Variants in TLR1 observed in about 807,000 individuals in gnomAD.
TLR1 encodes toll like receptor 1, also known as toll-like receptor 1.
Under a neutral mutation model 20.2 loss-of-function variants are expected in TLR1, and 19 were observed. The ratio of observed to expected loss-of-function variants is 0.94; its 90% CI spans 0.66 to 1.38. The LOEUF (loss-of-function observed/expected upper bound fraction) is 1.38, where lower values mean the gene tolerates loss of function less well. Ranked by LOEUF, TLR1 falls within the 40% of genes most tolerant of loss-of-function variation. The probability of loss-of-function intolerance (pLI) is 0.00; values close to 1 mark genes in which losing one functional copy is unlikely to be tolerated. For synonymous variants in TLR1, 320 were observed against 334.5 expected (o/e 0.96, Z 0.47); for missense variants, 921 against 910.0 (o/e 1.01, Z -0.16).
rs912583990 is a variant in TLR1, at chr4:38,796,418, C to A, written c.*53G>T. The A allele has an allele frequency of 6.4e-6, 10 of 1,562,456 alleles. No homozygotes were observed. The highest frequency in any genetic ancestry group is 1.8e-5 in the Admixed American group (1 of 54,924). On this transcript the variant is annotated 3_prime_UTR_variant, in exon 4 of 4. Coordinates refer to ENST00000308979, the MANE Select transcript of TLR1 (RefSeq NM_003263.4). ...ATGCAAAATAAAGTCATTGTTGGAA[C>A]TTCCAAAAGCAGCAATATCAACAGG...
chr4:38,789,788 A>G (rs1725675792), downstream of TLR1, among the ~76,000 whole-genome samples: 1 of 152,190 alleles, frequency 6.6e-6, no homozygotes, highest in South Asian at 2.1e-4. Flanking sequence ...TTAAAAGAGC[A>G]ATATTTTGGC....
chr4:38,792,853 T>TTTTATA (rs150259151), downstream of TLR1, among the ~76,000 whole-genome samples: 15 of 122,252 alleles, frequency 1.2e-4, 1 homozygote, highest in African/African-American at 3.9e-4. Flanking sequence ...TATTTTCAAA[T>TTTTATA]TATATATATA....
At chr4:38,789,376 T>A (rs540976607), downstream of TLR1, among the ~76,000 whole-genome samples, 4 of 152,366 alleles carry the variant, frequency 2.6e-5, no homozygotes, top group African/African-American at 9.6e-5. Context: ...TCTGCGAATC[T>A]GTTGTTAAAC....
rs73236620 is a variant in TLR1 at position 38,803,300 on chromosome 4, C to T, written c.-160+1006G>A. ...GGAACCTGGCCCTGGGCGTGACACT[C>T]TCTCTCTTACTCTAAAACTTGCCTC... On this transcript the variant is annotated intron_variant, in intron 2 of 3. Coordinates refer to ENST00000308979, the MANE Select transcript of TLR1 (RefSeq NM_003263.4). 4.2e-3 allele frequency among the ~76,000 whole-genome samples: 639 copies of T among 152,288 alleles called. 4 individuals are homozygous for T. Among genetic ancestry groups the T allele is most frequent in the Non-Finnish European group, 7.1e-3 (484 of 68,024 alleles).
Position 38,799,116 on chromosome 4 carries a change from G to A in TLR1, c.-67-218C>T, listed in dbSNP as rs1005312752. Among the ~76,000 whole-genome samples the A allele has an allele frequency of 2.0e-5, 3 of 152,188 alleles. 1 individual carries two copies. The highest frequency in any genetic ancestry group is 4.4e-5 in the Non-Finnish European group (3 of 68,042). ...AGTTTTAATATGGATGGTGTAATAGGTTGAATGGTGGCTCACCAAAAGATA... is the reference window on the plus strand; with the variant it reads ...AGTTTTAATATGGATGGTGTAATAGATTGAATGGTGGCTCACCAAAAGATA... On this transcript the variant is annotated intron_variant, in intron 3 of 3. Coordinates refer to ENST00000308979, the MANE Select transcript of TLR1 (RefSeq NM_003263.4).
chr4:38,791,766 T>A (rs1463009893), downstream of TLR1, among the ~76,000 whole-genome samples: 1 of 152,252 alleles, frequency 6.6e-6, no homozygotes, highest in East Asian at 1.9e-4. Context: ...TTTTGCTTAA[T>A]GCCAGGAACT....
chr4:38,791,822 A>G (rs537513279), downstream of TLR1, among the ~76,000 whole-genome samples: 19 of 152,366 alleles, frequency 1.2e-4, no homozygotes, highest in African/African-American at 4.3e-4. Context: ...CCTCGTAACA[A>G]TAGTATGAGA....
downstream of TLR1, among the ~76,000 whole-genome samples, chr4:38,789,022 A>G (rs78599658): frequency 0.033 from 4,960 of 152,324 alleles, 305 homozygotes; most frequent in African/African-American, 0.11. Context: ...AAATAAATAA[A>G]TAAATAAAGC....
chr4:38,792,853 T>TTTTATATATATATATA (rs150259151), downstream of TLR1, among the ~76,000 whole-genome samples: 43 of 122,212 alleles, frequency 3.5e-4, no homozygotes, highest in African/African-American at 1.3e-3. Context: ...TATTTTCAAA[T>TTTTATATATATATATA]TATATATATA....
Position 38,798,481 on chromosome 4 carries a change from C to T in TLR1, c.351G>A (p.Lys117=), listed in dbSNP as rs1455197652. 2.5e-6 allele frequency: 4 copies of T among 1,613,998 alleles called. No homozygotes were observed. The African/African-American group carries it at 5.3e-5, about 22-fold the overall frequency. ...KISCHPTVNL[K]HLDLSFNAFD... is the part of the protein sequence containing the mutation. ...ATGCATTAAATGACAGGTCCAAGTG[C>T]TTGAGGTTCACAGTAGGGTGGCAAG... The change falls in exon 4 of 4, where the codon AAG becomes AAA. Residue 117 remains lysine, a synonymous_variant. Transcript: ENST00000308979.
At chr4:38,793,031 G>C (rs545524168), downstream of TLR1, among the ~76,000 whole-genome samples, 1 of 152,110 alleles carries the variant, frequency 6.6e-6, no homozygotes, top group East Asian at 1.9e-4. Context: ...CTGGTTTTGT[G>C]ACCTTTGCTA....
downstream of TLR1, among the ~76,000 whole-genome samples, chr4:38,791,756 T>A (rs1266655641): frequency 6.6e-6 from 1 of 152,238 alleles, no homozygotes; most frequent in African/African-American, 2.4e-5. Flanking sequence ...TTTATTGAGC[T>A]TTTGCTTAAT....
downstream of TLR1, chr4:38,796,228 G>T (rs1195395917): frequency 8.2e-6 from 4 of 489,126 alleles, no homozygotes; most frequent in Non-Finnish European, 1.4e-5. Flanking sequence ...TCAGAACTCA[G>T]TTATAGCAAA....
In TLR1 at chr4:38,796,756, C is replaced by T. The variant is rs751660047; in HGVS notation, c.2076G>A (p.Lys692=). The change falls in exon 4 of 4, where the codon AAG becomes AAA. Residue 692 remains lysine, a synonymous_variant. Coordinates refer to ENST00000308979, the MANE Select transcript of TLR1 (RefSeq NM_003263.4). ...AGTTGGGAGACAAAACAAAGATGGA[C>T]TTGTAACTCTTCTCAATGCAGGTGA... ...NIITCIEKSY[K]SIFVLSPNFV... 6 of 1,614,094 alleles carry T rather than the reference C, an allele frequency of 3.7e-6. No individual in the cohort carries two copies. The Admixed American group carries it at 6.7e-5, about 18-fold the overall frequency.
Position 38,798,583 on chromosome 4 carries a change from A to G in TLR1, c.249T>C (p.Tyr83=), listed in dbSNP as rs773426935. The G allele has an allele frequency of 1.3e-5, 21 of 1,614,024 alleles. No homozygotes were observed. The highest frequency in any genetic ancestry group is 1.8e-5 in the Non-Finnish European group (21 of 1,180,020). The change falls in exon 4 of 4, where the codon TAT becomes TAC. Residue 83 remains tyrosine, a synonymous_variant. Coordinates refer to ENST00000308979, the MANE Select transcript of TLR1 (RefSeq NM_003263.4). ...TGAATTTGAAAACACTGATATCAAG[A>G]TACTGGATTCTATTATGAGAAATTA... is the stretch of plus-strand genomic sequence containing the variant. ...ILIISHNRIQ[Y]LDISVFKFNQ...
At chr4:38,792,853 T>TTATATATATATATATAGATATATA (rs1553901933), downstream of TLR1, among the ~76,000 whole-genome samples, 1 of 122,218 alleles carries the variant, frequency 8.2e-6, no homozygotes, top group East Asian at 2.9e-4. Flanking sequence ...TATTTTCAAA[T>TTATATATATATATATAGATATATA]TATATATATA....
chr4:38,793,555 G>T (rs992827818), downstream of TLR1, among the ~76,000 whole-genome samples: 2 of 152,056 alleles, frequency 1.3e-5, no homozygotes, highest in Non-Finnish European at 2.9e-5. Flanking sequence ...TTTGGCAGGA[G>T]ACTCCACCAA....
chr4:38,802,354 T>C (rs1726728038), intron 2 of TLR1, among the ~76,000 whole-genome samples: 1 of 151,730 alleles, frequency 6.6e-6, no homozygotes, highest in South Asian at 2.1e-4. Flanking sequence ...GCAAGCAGGC[T>C]TGAGCATGCA....
At chr4:38,791,203 C>T (rs1056399522) in exon 4 of TLR1, 3 of 152,174 alleles carry the variant, frequency 2.0e-5, no homozygotes, top group African/African-American at 4.8e-5. Context: ...TCCAGCTCTT[C>T]TCTGAAATCC....
Sources: allele counts gnomAD v4.1 joint callset (sites outside exome capture counted in the v4.1 genomes callset), GRCh38; gene constraint gnomAD v4.1.1; transcripts MANE v1.5; gene names NCBI Gene and HGNC (gene_info 2026-07-23, HGNC 2026-07-21).